Variants in JADE2 observed in about 807,000 individuals in gnomAD.
JADE2 encodes jade family PHD finger 2.
JADE2 carries 13 observed loss-of-function variants against 85.7 expected under a neutral mutation model. That is an observed-to-expected ratio of 0.15 (90% CI 0.10 to 0.24). The LOEUF is 0.24. Among genes scored for constraint, JADE2 ranks in the 10% least tolerant of loss-of-function variants. The pLI, the probability that JADE2 is intolerant of heterozygous loss-of-function variation, is 1.00. For missense variants in JADE2, 846 were observed against 1,115.9 expected (o/e 0.76, Z 3.45); for synonymous variants, 440 against 456.1 (o/e 0.96, Z 0.45).
intron 3 of JADE2, among the ~76,000 whole-genome samples, chr5:134,539,101 G>A (rs1167345367): frequency 5.0e-5 from 7 of 139,324 alleles, no homozygotes; most frequent in South Asian, 2.4e-4. Flanking sequence ...TTGCTTTGTT[G>A]CCCAGGCTGG....
intron 1 of JADE2, among the ~76,000 whole-genome samples, chr5:134,535,011 G>A (rs1761495087): frequency 6.6e-6 from 1 of 152,202 alleles, no homozygotes; most frequent in African/African-American, 2.4e-5. Context: ...CAGACCTCAT[G>A]GATTCAGTCC....
At chr5:134,527,662 G>GGCTCCC (rs1561718953) in intron 1 of JADE2, among the ~76,000 whole-genome samples, 1 of 151,440 alleles carries the variant, frequency 6.6e-6, no homozygotes, top group Non-Finnish European at 1.5e-5. Context: ...TCCCGGCTCC[G>GGCTCCC]GCGGTCGGAA....
At chr5:134,526,906 G>A in intron 1 of JADE2, 2 of 371,516 alleles carry the variant, frequency 5.4e-6, no homozygotes, top group Non-Finnish European at 7.4e-6. Context: ...CGGCGGGTGC[G>A]CGCCCGCGGG....
At chr5:134,571,421 G>C (rs182048631) in intron 9 of JADE2, among the ~76,000 whole-genome samples, 2 of 152,210 alleles carry the variant, frequency 1.3e-5, no homozygotes, top group East Asian at 3.8e-4. Flanking sequence ...GCCCTGGGCC[G>C]GGCGCGGTGG....
At chr5:134,550,106 G>A (rs1762514672) in intron 3 of JADE2, among the ~76,000 whole-genome samples, 2 of 152,226 alleles carry the variant, frequency 1.3e-5, no homozygotes, top group African/African-American at 4.8e-5. Flanking sequence ...TATCTGGGCT[G>A]TGAAATCTTA....
chr5:134,573,543 T>C, intron 9 of JADE2, 102 bp from the exon 10 acceptor site: 1 of 802,426 alleles, frequency 1.2e-6, no homozygotes, highest in Non-Finnish European at 2.2e-6. Context: ...GGCGGTAGCC[T>C]GTGCCCCTGG....
In JADE2 at chr5:134,579,316, A is replaced by G. The variant is rs1437026618; in HGVS notation, c.2504A>G (p.Ter835=). 1 of 1,588,734 alleles carries G rather than the reference A, an allele frequency of 6.3e-7. No individual in the cohort carries two copies. Among genetic ancestry groups the G allele is most frequent in the Admixed American group, 1.7e-5 (1 of 57,894 alleles). ...GTCCGCATGGGCGTACTGGCCTCCT[A>G]ACTCACCCCCTTCCCTGTCCCAGGC... ...EVVRMGVLAS[*] Residue 835 remains the stop codon, a stop_retained_variant, in exon 12 of 12, where the codon TAA becomes TGA. Transcript: ENST00000681547. This position sits in a 1 kb window ranked among gnomAD's most constrained non-coding sequence, Gnocchi z 4.6.
chr5:134,560,846 G>C lies in JADE2; in HGVS notation c.573G>C (p.Gly191=), dbSNP rs1009115901. 2 of 1,614,228 alleles carry C rather than the reference G, an allele frequency of 1.2e-6. No homozygotes were observed. The highest frequency in any genetic ancestry group is 1.7e-5 in the Admixed American group (1 of 60,028). ...NMARAIETQE[G]LGIEYDEDVV... Reference sequence around the variant, plus strand: ...CCAGGGCCATTGAGACGCAGGAGGGGCTGGGCATCGAGTACGACGAGGATG... The same window carrying C: ...CCAGGGCCATTGAGACGCAGGAGGGCCTGGGCATCGAGTACGACGAGGATG... The change falls in exon 6 of 12, where the codon GGG becomes GGC. Residue 191 remains glycine, a synonymous_variant. Transcript: ENST00000681547.
At chr5:134,535,690 G>A (rs2149874024) in intron 1 of JADE2, among the ~76,000 whole-genome samples, 168 bp from the exon 2 acceptor site, 1 of 152,204 alleles carries the variant, frequency 6.6e-6, no homozygotes, top group South Asian at 2.1e-4. Context: ...GCCTCTGTGG[G>A]TGGGTGGGAG....
rs530976295 is a variant in JADE2 at position 134,575,310 on chromosome 5, G to C, written c.1553-1458G>C. The C allele has an allele frequency of 2.0e-5, 3 of 152,412 alleles. No individual in the cohort carries two copies. The East Asian group carries it at 5.8e-4, about 29-fold the overall frequency. 9.4% of individuals were successfully genotyped at this position (152,412 alleles called of 1,614,324 possible). A position where few individuals can be genotyped will look rare whatever the true frequency, so the allele number is the denominator to read the frequency against. On this transcript the variant is annotated intron_variant, in intron 10 of 11. Coordinates refer to ENST00000681547, the MANE Select transcript of JADE2 (RefSeq NM_001388185.1). ...GCGAGGCTGTCTGGCCTGGCGGCTG[G>C]ACAAAGCCTCCTAGTGGAGATGATA... is the stretch of plus-strand genomic sequence containing the variant.
intron 1 of JADE2, among the ~76,000 whole-genome samples, chr5:134,532,368 G>A (rs1418136004): frequency 2.0e-5 from 3 of 152,112 alleles, no homozygotes; most frequent in African/African-American, 4.8e-5. Context: ...GACTTGGTGG[G>A]GCCGAGGATA....
intron 9 of JADE2, among the ~76,000 whole-genome samples, chr5:134,571,066 C>T (rs1763971525): frequency 1.3e-5 from 2 of 152,204 alleles, no homozygotes; most frequent in Admixed American, 6.5e-5. Context: ...GGAGGCTCTG[C>T]GGGGGAGTCT....
At chr5:134,572,855 G>A (rs1287600337) in intron 9 of JADE2, among the ~76,000 whole-genome samples, 1 of 152,242 alleles carries the variant, frequency 6.6e-6, no homozygotes, top group Non-Finnish European at 1.5e-5. Flanking sequence ...TAGCAAGCTG[G>A]TGTCTAAGGC....
Position 134,559,073 on chromosome 5 carries a change from C to G in JADE2, c.312-757C>G, listed in dbSNP as rs540209024. 3.9e-5 allele frequency among the ~76,000 whole-genome samples: 6 copies of G among 152,318 alleles called. No homozygotes were observed. The South Asian group carries it at 8.3e-4, about 21-fold the overall frequency. The stretch of plus-strand genomic sequence containing the variant: ...TCTTTGTATCCAAGGGATTTGGCCT[C>G]TGTCTTGGTCCTGGGGCCGGGTAAC... On this transcript the variant is annotated intron_variant, in intron 4 of 11. Coordinates refer to ENST00000681547, the MANE Select transcript of JADE2 (RefSeq NM_001388185.1).
Position 134,566,578 on chromosome 5 carries a change from A to G in JADE2, c.1432A>G (p.Arg478Gly). The change falls in exon 9 of 12, where the codon AGG (arginine) becomes GGG (glycine). Residue 478 changes from arginine (R) to glycine (G), a missense_variant and splice_region_variant. Physicochemically the swap from Arg to Gly is moderately radical, Grantham distance 125. Coordinates refer to ENST00000681547, the MANE Select transcript of JADE2 (RefSeq NM_001388185.1). This position sits in a 1 kb window ranked among gnomAD's most constrained non-coding sequence, Gnocchi z 6.7. Reference sequence around the variant, plus strand: ...CACCCATCTGCGGCAGGACCTAGAGAGGGTGAGTCCCCATGCCGCCTGCCC... The same window carrying G: ...CACCCATCTGCGGCAGGACCTAGAGGGGGTGAGTCCCCATGCCGCCTGCCC... ...LFTHLRQDLE[R>G]VRNLCYMVTR... 6.4e-7 allele frequency: 1 copy of G among 1,550,758 alleles called. No homozygotes were observed. The highest frequency in any genetic ancestry group is 8.7e-7 in the Non-Finnish European group (1 of 1,145,900).
intron 9 of JADE2, among the ~76,000 whole-genome samples, chr5:134,568,705 G>A (rs1038812081): frequency 1.3e-5 from 2 of 152,256 alleles, no homozygotes; most frequent in African/African-American, 4.8e-5. Context: ...AGCCCTGGCA[G>A]GGCCGAGGAG....
At chr5:134,572,417 C>T (rs749855480) in intron 9 of JADE2, among the ~76,000 whole-genome samples, 2 of 152,214 alleles carry the variant, frequency 1.3e-5, no homozygotes, top group Non-Finnish European at 2.9e-5. Flanking sequence ...GATACCCGTA[C>T]GCAGAAGAGA....
At chr5:134,564,350 G>A in intron 7 of JADE2, 144 bp from the exon 8 acceptor site, 1 of 554,460 alleles carries the variant, frequency 1.8e-6, no homozygotes, top group Non-Finnish European at 3.3e-6. Flanking sequence ...CTTGTTTGGT[G>A]TCAGGAGGGA....
intron 10 of JADE2, among the ~76,000 whole-genome samples, chr5:134,576,185 C>A (rs1488525004): frequency 6.6e-6 from 1 of 152,022 alleles, no homozygotes. Flanking sequence ...GGCAACAGAG[C>A]AAGACTCTCT....
Sources: gnomAD v4.1 joint callset for allele counts (sites outside exome capture counted in the v4.1 genomes callset) on GRCh38, gnomAD v4.1.1 for gene constraint, Gnocchi (gnomAD v3.1) non-coding constraint, MANE v1.5 for transcripts, NCBI Gene and HGNC (gene_info 2026-07-23, HGNC 2026-07-21) for gene names.